WWC1: variants seen among roughly 807,000 people sequenced by gnomAD.
WWC1 encodes the protein WW and C2 domain containing 1, also known as protein KIBRA.
Under a neutral mutation model 138.4 loss-of-function variants are expected in WWC1, and 55 were observed. The observed-to-expected ratio is 0.40, with a 90% CI of 0.32 to 0.50. The LOEUF (loss-of-function observed/expected upper bound fraction) is 0.50, where lower values mean the gene tolerates loss of function less well. Ranked by LOEUF, WWC1 falls within the 20% of genes least tolerant of loss-of-function variation. The pLI, the probability that WWC1 is intolerant of heterozygous loss-of-function variation, is 0.72. For synonymous variants in WWC1, 524 were observed against 564.9 expected (o/e 0.93, Z 1.03); for missense variants, 1,226 against 1,420.4 (o/e 0.86, Z 2.20).
At chr5:168,364,067 C>T (rs1221075193) in intron 1 of WWC1, among the ~76,000 whole-genome samples, 1 of 152,018 alleles carries the variant, frequency 6.6e-6, no homozygotes, top group Non-Finnish European at 1.5e-5. Flanking sequence ...TGTGCCAGTC[C>T]CGGCACTAGA....
chr5:168,434,035 C>T (rs535813395), intron 15 of WWC1, among the ~76,000 whole-genome samples: 20 of 152,360 alleles, frequency 1.3e-4, no homozygotes, highest in South Asian at 1.2e-3. Context: ...CAGCACAGGG[C>T]TCCCTGGAGC....
intron 20 of WWC1, among the ~76,000 whole-genome samples, chr5:168,462,784 T>C (rs1756928741): frequency 6.6e-6 from 1 of 152,256 alleles, no homozygotes; most frequent in African/African-American, 2.4e-5. Flanking sequence ...GCACTGCTCC[T>C]TGCTTCCACG....
intron 1 of WWC1, among the ~76,000 whole-genome samples, chr5:168,322,996 A>T (rs1203220153): frequency 6.6e-6 from 1 of 152,258 alleles, no homozygotes; most frequent in African/African-American, 2.4e-5. Context: ...AAAGGTACTC[A>T]GTTTATGAAG....
intron 19 of WWC1, among the ~76,000 whole-genome samples, chr5:168,458,275 T>C (rs985014159): frequency 6.6e-6 from 1 of 152,220 alleles, no homozygotes; most frequent in African/African-American, 2.4e-5. Flanking sequence ...CTCAAAGCAC[T>C]GTGCTCTAGG....
intron 11 of WWC1, among the ~76,000 whole-genome samples, chr5:168,424,369 A>G (rs1215251285): frequency 6.6e-6 from 1 of 152,176 alleles, no homozygotes; most frequent in Non-Finnish European, 1.5e-5. Context: ...ATGATTATAG[A>G]TATGCTGGGT....
chr5:168,405,929 G>A (rs2152836966), intron 5 of WWC1, among the ~76,000 whole-genome samples: 1 of 152,140 alleles, frequency 6.6e-6, no homozygotes, highest in African/African-American at 2.4e-5. Flanking sequence ...GTTTCACCAT[G>A]TTGCTCAAGT....
intron 2 of WWC1, among the ~76,000 whole-genome samples, chr5:168,373,754 A>G (rs60552770): frequency 3.1e-4 from 38 of 122,490 alleles, no homozygotes; most frequent in Middle Eastern, 4.7e-3. Context: ...AAAAAAAAAA[A>G]GGTGGGGGTG....
In WWC1 at chr5:168,444,527, G is replaced by C; in HGVS notation, c.2467G>C (p.Val823Leu). The change falls in exon 17 of 23, where the codon GTG becomes CTG. Residue 823 changes from valine (V) to leucine (L), a missense_variant. Physicochemically the swap from Val to Leu is conservative, Grantham distance 32. Around this residue, in one of 3 missense-constraint regions of WWC1, gnomAD observed 1,016 missense variants for 1,153.9 expected, o/e 0.88. Coordinates refer to ENST00000265293, the MANE Select transcript of WWC1 (RefSeq NM_015238.3). Reference sequence around the variant, plus strand: ...GTCTGCTCTGTTGGAACAGACAGCAGTGGAGCTGGAGAAGAGGCAGGAGGG... The same window carrying C: ...GTCTGCTCTGTTGGAACAGACAGCACTGGAGCTGGAGAAGAGGCAGGAGGG... ...AVSALLEQTA[V>L]ELEKRQEGRS... 6.2e-7 allele frequency: 1 copy of C among 1,601,972 alleles called. No individual in the cohort carries two copies.
chr5:168,421,811 G>T (rs1781105668), intron 9 of WWC1, among the ~76,000 whole-genome samples, 197 bp from the exon 10 acceptor site: 1 of 151,408 alleles, frequency 6.6e-6, no homozygotes, highest in African/African-American at 2.4e-5. Context: ...CAGAGTGCCT[G>T]ATATATATAT....
chr5:168,388,362 G>A (rs1025932445), intron 3 of WWC1, among the ~76,000 whole-genome samples: 1 of 151,944 alleles, frequency 6.6e-6, no homozygotes, highest in African/African-American at 2.4e-5. Context: ...CCTGAAATGG[G>A]GGAAAAGCAG....
chr5:168,422,190 C>A, intron 10 of WWC1, 93 bp downstream of exon 10: 1 of 1,277,886 alleles, frequency 7.8e-7, no homozygotes, highest in Non-Finnish European at 1.1e-6. Flanking sequence ...CTTCACTTGT[C>A]CTCCGTGGCT....
intron 1 of WWC1, among the ~76,000 whole-genome samples, chr5:168,299,526 G>A (rs763959255): frequency 3.0e-4 from 46 of 152,174 alleles, no homozygotes; most frequent in African/African-American, 4.8e-5. Flanking sequence ...TTGGGTAAAT[G>A]CTCCCAACAG....
chr5:168,425,249 C>G (rs1469358787), intron 11 of WWC1, among the ~76,000 whole-genome samples: 1 of 152,140 alleles, frequency 6.6e-6, no homozygotes, highest in Non-Finnish European at 1.5e-5. Flanking sequence ...CACATTCATG[C>G]CAACTCCTGG....
At chr5:168,404,282 G>A (rs189436679) in intron 5 of WWC1, among the ~76,000 whole-genome samples, 194 of 152,320 alleles carry the variant, frequency 1.3e-3, no homozygotes, top group African/African-American at 4.5e-3. Context: ...TGCCTGTCCC[G>A]GACACTGGCT....
chr5:168,382,487 T>A (rs751365447), intron 2 of WWC1, among the ~76,000 whole-genome samples: 1 of 152,198 alleles, frequency 6.6e-6, no homozygotes, highest in Non-Finnish European at 1.5e-5. Context: ...CTTCTAAAAG[T>A]TGCAAACTTT....
chr5:168,333,429 T>C (rs1773201059), intron 1 of WWC1, among the ~76,000 whole-genome samples: 1 of 152,240 alleles, frequency 6.6e-6, no homozygotes, highest in African/African-American at 2.4e-5. Flanking sequence ...CGTCTCTTCA[T>C]ACCTTTATGC....
At chr5:168,399,652 T>C in intron 5 of WWC1, 85 bp downstream of exon 5, 1 of 1,253,102 alleles carries the variant, frequency 8.0e-7, no homozygotes, top group Non-Finnish European at 1.1e-6. Flanking sequence ...TCTCCTTCAG[T>C]CCCTTTCCTC....
chr5:168,424,888 G>A (rs17070160), intron 11 of WWC1, among the ~76,000 whole-genome samples: 19,733 of 152,158 alleles, frequency 0.13, 1,850 homozygotes, highest in African/African-American at 0.26. Context: ...GGTGTTGGCC[G>A]GAATTTAAGT....
intron 1 of WWC1, among the ~76,000 whole-genome samples, chr5:168,344,834 C>A (rs577632063): frequency 6.6e-6 from 1 of 152,216 alleles, no homozygotes; most frequent in African/African-American, 2.4e-5. Flanking sequence ...ATCAGGCCTT[C>A]ATTTTGAGAA....
Sources: allele counts gnomAD v4.1 joint callset (sites outside exome capture counted in the v4.1 genomes callset), GRCh38; gene constraint gnomAD v4.1.1; regional missense constraint gnomAD v4.1.1; transcripts MANE v1.5; gene names NCBI Gene and HGNC (gene_info 2026-07-23, HGNC 2026-07-21).